The following THBS2 variants were observed in gnomAD, a reference collection of about 807,000 sequenced individuals.
The protein encoded by THBS2 is thrombospondin-2.
In THBS2, 47 loss-of-function variants were observed where a neutral mutation model predicts 135.2. That is an observed-to-expected ratio of 0.35 (90% CI 0.28 to 0.44). THBS2 has a LOEUF of 0.44. Ranked by LOEUF, THBS2 falls within the 20% of genes least tolerant of loss-of-function variation. The pLI is 1.00. For missense variants in THBS2, 1,288 were observed against 1,603.1 expected, an observed-to-expected ratio of 0.80 and a Z score of 3.36; for synonymous variants, 639 against 633.8, an observed-to-expected ratio of 1.01 and a Z score of -0.12.
rs1355251130 is a variant in THBS2, at chr6:169,252,554, C to T, written c.-23+1170G>A. Among the ~76,000 whole-genome samples, 1 of 152,272 alleles carries T rather than the reference C, an allele frequency of 6.6e-6. No homozygotes were observed. The highest frequency in any genetic ancestry group is 1.5e-5 in the Non-Finnish European group (1 of 68,044). ...CTTTGACGAAACCAGATCCTACTGTCTCTGCCTTGAGGTAGATTCTTACAA... is the reference window on the plus strand; with the variant it reads ...CTTTGACGAAACCAGATCCTACTGTTTCTGCCTTGAGGTAGATTCTTACAA... On this transcript the variant is annotated intron_variant, in intron 1 of 21. Coordinates refer to ENST00000617924, the MANE Select transcript of THBS2 (RefSeq NM_003247.5). The surrounding 1 kb of genome is among the most constrained non-coding windows in gnomAD (Gnocchi z 4.3).
chr6:169,236,727 C>T (rs1478557916), intron 9 of THBS2, among the ~76,000 whole-genome samples: 6 of 150,658 alleles, frequency 4.0e-5, no homozygotes, highest in Non-Finnish European at 8.9e-5. Context: ...CACTCCCCAT[C>T]CACACTCATT....
At chr6:169,247,049 G>T (rs147741883) in intron 3 of THBS2, among the ~76,000 whole-genome samples, 1 of 152,036 alleles carries the variant, frequency 6.6e-6, no homozygotes, top group African/African-American at 2.4e-5. Flanking sequence ...CCATCATTTC[G>T]CTACTAAAGC....
At chr6:169,218,622 G>A (rs551725157) in intron 21 of THBS2, among the ~76,000 whole-genome samples, 62 of 149,974 alleles carry the variant, frequency 4.1e-4, no homozygotes, top group Non-Finnish European at 1.3e-4. Flanking sequence ...TGGATGAATG[G>A]ATGGATGGAT....
At chr6:169,234,607 T>C (rs1429549944) in intron 10 of THBS2, 127 bp downstream of exon 10, 1 of 980,176 alleles carries the variant, frequency 1.0e-6, no homozygotes, top group African/African-American at 1.7e-5. Context: ...AAAGTAGTTA[T>C]CTTTGCGTGT....
At chr6:169,225,569 G>C (rs1038503956) in intron 16 of THBS2, among the ~76,000 whole-genome samples, 190 bp from the exon 17 acceptor site, 1 of 152,314 alleles carries the variant, frequency 6.6e-6, no homozygotes, top group Middle Eastern at 3.4e-3. Context: ...CAGGCCTCTC[G>C]GTCCAGGAAT....
At chr6:169,218,679 A>G (rs536387246) in intron 21 of THBS2, among the ~76,000 whole-genome samples, 9 of 129,614 alleles carry the variant, frequency 6.9e-5, no homozygotes, top group African/African-American at 2.5e-4. Context: ...GCGGATGAGT[A>G]GATGGATGGA....
At chr6:169,243,466 C>T (rs1199125508) in intron 4 of THBS2, among the ~76,000 whole-genome samples, 1 of 152,188 alleles carries the variant, frequency 6.6e-6, no homozygotes, top group Non-Finnish European at 1.5e-5. Flanking sequence ...CTCGGACAGT[C>T]CATTATTGAG....
At chr6:169,225,685 C>T (rs1032090781) in intron 16 of THBS2, among the ~76,000 whole-genome samples, 30 of 152,214 alleles carry the variant, frequency 2.0e-4, no homozygotes, top group African/African-American at 6.8e-4. Context: ...CTCTTTTTTA[C>T]ACCATTTGCG....
chr6:169,250,825 C>G lies in THBS2; in HGVS notation c.-22-19G>C. 6.3e-7 allele frequency: 1 copy of G among 1,596,258 alleles called. No homozygotes were observed. The highest frequency in any genetic ancestry group is 1.7e-5 in the Admixed American group (1 of 58,616). ...TGAGCTCCTGGGAATACAGGAAACCCTTGTTAGTGATGAGTCCACAGCTGC... is the reference window on the plus strand; with the variant it reads ...TGAGCTCCTGGGAATACAGGAAACCGTTGTTAGTGATGAGTCCACAGCTGC... On this transcript the variant is annotated intron_variant, in intron 1 of 21. Transcript: ENST00000617924.
intron 15 of THBS2, among the ~76,000 whole-genome samples, chr6:169,227,673 A>G (rs563262990): frequency 2.0e-5 from 3 of 152,332 alleles, no homozygotes; most frequent in African/African-American, 7.2e-5. Flanking sequence ...ATGGGTCCCT[A>G]TGGGAATAAC....
intron 21 of THBS2, among the ~76,000 whole-genome samples, chr6:169,218,432 A>T (rs1237983257): frequency 1.5e-5 from 1 of 68,690 alleles, no homozygotes; most frequent in Non-Finnish European, 2.7e-5. Flanking sequence ...GAGATGGATG[A>T]GTGGGTGGGT....
intron 21 of THBS2, among the ~76,000 whole-genome samples, chr6:169,219,149 A>C (rs1303417942): frequency 7.1e-6 from 1 of 141,202 alleles, no homozygotes; most frequent in African/African-American, 2.7e-5. Context: ...GATGGATGGG[A>C]TAGATGAGTG....
In THBS2 at chr6:169,248,746, C is replaced by T. The variant is rs1254992249; in HGVS notation, c.280G>A (p.Gly94Ser). Residue 94 changes from glycine (G) to serine (S), a missense_variant, in exon 3 of 22, where the codon GGC (glycine) becomes AGC (serine). Gly to Ser is a moderately conservative substitution (Grantham distance 56). Coordinates refer to ENST00000617924, the MANE Select transcript of THBS2 (RefSeq NM_003247.5). ...GCCAACAGCGTGCCCCTGGACTTGC[C>T]GTCCTGCTTGAGCTGGGCCGTGAGG... is the stretch of plus-strand genomic sequence containing the variant. ...FFLTAQLKQD[G>S]KSRGTLLALE... The T allele has an allele frequency of 1.2e-6, 2 of 1,613,386 alleles. No individual in the cohort carries two copies. The highest frequency in any genetic ancestry group is 1.7e-6 in the Non-Finnish European group (2 of 1,180,002).
intron 7 of THBS2, 123 bp from the exon 8 acceptor site, chr6:169,237,918 C>T: frequency 4.0e-6 from 5 of 1,243,618 alleles, no homozygotes; most frequent in Middle Eastern, 2.5e-4. Context: ...TGAGGGGCCA[C>T]TGCCTGGCTG....
chr6:169,232,134 A>G lies in THBS2; in HGVS notation c.1997T>C (p.Ile666Thr). ...THNCHKHAEC[I>T]YLGHFSDPMY... The stretch of plus-strand genomic sequence containing the variant: ...GGGGTCGCTGAAGTGGCCCAGGTAG[A>G]TGCACTCCGCGTGCTTGTGGCAGTT... The change falls in exon 13 of 22, where the codon ATC (isoleucine) becomes ACC (threonine). Residue 666 changes from isoleucine (I) to threonine (T), a missense_variant. Ile to Thr is a moderately conservative substitution (Grantham distance 89). Around this residue, in one of 2 missense-constraint regions of THBS2, gnomAD observed 874 missense variants for 1,156.1 expected, o/e 0.76. Transcript: ENST00000617924. 1 of 1,614,086 alleles carries G rather than the reference A, an allele frequency of 6.2e-7. No individual in the cohort carries two copies. Among genetic ancestry groups the G allele is most frequent in the Non-Finnish European group, 8.5e-7 (1 of 1,179,982 alleles).
intron 3 of THBS2, among the ~76,000 whole-genome samples, 194 bp downstream of exon 3, chr6:169,248,223 C>T (rs899104294): frequency 5.3e-5 from 8 of 151,488 alleles, no homozygotes; most frequent in Non-Finnish European, 1.0e-4. Flanking sequence ...CCTGTGGCTG[C>T]GTGTGGTGGG....
chr6:169,233,125 G>T, intron 10 of THBS2, 108 bp from the exon 11 acceptor site: 1 of 1,388,334 alleles, frequency 7.2e-7, no homozygotes, highest in Non-Finnish European at 9.4e-7. Flanking sequence ...TCATCGAATT[G>T]TGTAGTCAGG....
intron 4 of THBS2, among the ~76,000 whole-genome samples, chr6:169,243,060 A>C (rs1299807068): frequency 1.5e-3 from 15 of 10,308 alleles, no homozygotes; most frequent in East Asian, 4.0e-3. Flanking sequence ...CCACCTTCCC[A>C]CCACTCCCAC....
chr6:169,223,599 A>C, intron 17 of THBS2, 124 bp from the exon 18 acceptor site: 1 of 737,850 alleles, frequency 1.4e-6, no homozygotes, highest in East Asian at 2.6e-5. Flanking sequence ...AACATCTAAG[A>C]CTGAGTGCTT....
Sources: allele counts gnomAD v4.1 joint callset (sites outside exome capture counted in the v4.1 genomes callset), GRCh38; gene constraint gnomAD v4.1.1; regional missense constraint gnomAD v4.1.1; non-coding constraint Gnocchi (gnomAD v3.1); transcripts MANE v1.5; gene names NCBI Gene and HGNC (gene_info 2026-07-23, HGNC 2026-07-21).